Variants in EEF1A2 observed in about 807,000 individuals in gnomAD.
EEF1A2 encodes the protein eukaryotic translation elongation factor 1 alpha 2.
In EEF1A2, 5 loss-of-function variants were observed where a neutral mutation model predicts 39.3. The observed-to-expected ratio is 0.13, with a 90% CI of 0.07 to 0.27. The LOEUF is 0.27. Ranked by LOEUF, EEF1A2 falls within the 10% of genes least tolerant of loss-of-function variation. The pLI is 1.00. For missense variants in EEF1A2, 218 were observed against 681.4 expected, an observed-to-expected ratio of 0.32 and a Z score of 7.57; for synonymous variants, 287 against 293.7, an observed-to-expected ratio of 0.98 and a Z score of 0.23.
At chr20:63,490,383 CCCA>C (rs748110210) in intron 6 of EEF1A2, 93 bp downstream of exon 6, 47 of 1,483,654 alleles carry the variant, frequency 3.2e-5, no homozygotes, top group Non-Finnish European at 3.8e-5. Context: ...TGGTTTTCTC[CCCA>C]CGCCAGGCCA....
chr20:63,497,018 G>A lies in EEF1A2; in HGVS notation c.144+602C>T, dbSNP rs2082421156. ...TCCCCAGAGTCCTGGGTGGGGGATG[G>A]GGATCAGAGAGCAGACCCCGTCTCA... On this transcript the variant is annotated intron_variant, in intron 2 of 7. Transcript: ENST00000217182. The surrounding 1 kb of genome is among the most constrained non-coding windows in gnomAD (Gnocchi z 7.3). 6.6e-6 allele frequency: 1 copy of A among 152,342 alleles called. No homozygotes were observed. The highest frequency in any genetic ancestry group is 1.5e-5 in the Non-Finnish European group (1 of 68,182). The allele number at this position is 152,342 out of a possible 1,614,324, so 9.4% of individuals were successfully genotyped here. A position where few individuals can be genotyped will look rare whatever the true frequency, so the allele number is the denominator to read the frequency against.
rs1346662273 is a variant in EEF1A2 at position 63,488,270 on chromosome 20, G to A, written c.*28C>T. 4 of 1,129,638 alleles carry A rather than the reference G, an allele frequency of 3.5e-6. No individual in the cohort carries two copies. The East Asian group carries it at 1.8e-4, about 50-fold the overall frequency. The allele number at this position is 1,129,638 out of a possible 1,614,324, so 70.0% of individuals were successfully genotyped here. ...GGGGTTCGGAGCGCGGCACCGCCGG[G>A]GAGGGTCGCGCCGCGGGCGCCCGCG... On this transcript the variant is annotated 3_prime_UTR_variant, in exon 8 of 8. Transcript: ENST00000217182.
chr20:63,494,049 C>T (rs310615), intron 4 of EEF1A2, among the ~76,000 whole-genome samples: 145,220 of 152,286 alleles, frequency 0.95, 69,457 homozygotes, highest in Middle Eastern at 0.98. Context: ...GGAGTCCCTC[C>T]CAGTTCTGTC....
rs989533077 is a variant in EEF1A2, at chr20:63,497,489, C to T, written c.144+131G>A. ...CCTCTGAGGCCTGAGTGCCCCACAG[C>T]GGGGGTCCCTCCTGCCCTGGAGGAG... is the stretch of plus-strand genomic sequence containing the variant. On this transcript the variant is annotated intron_variant, in intron 2 of 7. Transcript: ENST00000217182. This position sits in a 1 kb window ranked among gnomAD's most constrained non-coding sequence, Gnocchi z 7.3. 3.7e-5 allele frequency: 53 copies of T among 1,418,208 alleles called. No homozygotes were observed. Among genetic ancestry groups the T allele is most frequent in the South Asian group, 4.3e-5 (3 of 69,950 alleles). 87.9% of individuals were successfully genotyped at this position (1,418,208 alleles called of 1,614,324 possible). A position where few individuals can be genotyped will look rare whatever the true frequency, so the allele number is the denominator to read the frequency against.
Position 63,498,863 on chromosome 20 carries a change from CG to C in EEF1A2, c.-72+194del. 6.6e-6 allele frequency: 1 copy of C among 150,508 alleles called. No homozygotes were observed. The highest frequency in any genetic ancestry group is 1.5e-5 in the Non-Finnish European group (1 of 67,412). 9.3% of individuals were successfully genotyped at this position (150,508 alleles called of 1,614,324 possible). A position where few individuals can be genotyped will look rare whatever the true frequency, so the allele number is the denominator to read the frequency against. The stretch of plus-strand genomic sequence containing the variant: ...TACGGGGCGATCGCCGCCCAGGACC[CG>C]GCCCCGCCGCCCCGCGCCGCCCCCC... On this transcript the variant is annotated intron_variant, in intron 1 of 7. Coordinates refer to ENST00000217182, the MANE Select transcript of EEF1A2 (RefSeq NM_001958.5). The surrounding 1 kb of genome is among the most constrained non-coding windows in gnomAD (Gnocchi z 4.1).
At chr20:63,492,831 T>TGGAG (rs2082396838) in intron 5 of EEF1A2, among the ~76,000 whole-genome samples, 1 of 115,808 alleles carries the variant, frequency 8.6e-6, no homozygotes, top group African/African-American at 3.4e-5. Flanking sequence ...GATGGGACAA[T>TGGAG]GGATGGATGG....
intron 5 of EEF1A2, among the ~76,000 whole-genome samples, chr20:63,491,955 GAGGTGGATGGAT>G (rs1264856802): frequency 1.5e-5 from 1 of 65,004 alleles, no homozygotes; most frequent in Non-Finnish European, 2.8e-5. Flanking sequence ...GACGGATGGG[GAGGTGGATGGAT>G]GGATGGATGG....
chr20:63,493,728 C>T (rs754527861), intron 4 of EEF1A2, among the ~76,000 whole-genome samples: 8 of 152,344 alleles, frequency 5.3e-5, no homozygotes, highest in African/African-American at 1.7e-4. Context: ...GTGCTGCCTC[C>T]GAGCTTGGCC....
rs1309447992 is a variant in EEF1A2, at chr20:63,490,613, G to A, written c.895C>T (p.Leu299=). The A allele has an allele frequency of 3.7e-6, 6 of 1,612,680 alleles. No homozygotes were observed. The highest frequency in any genetic ancestry group is 5.1e-6 in the Non-Finnish European group (6 of 1,179,972). The change falls in exon 6 of 8, where the codon CTG becomes TTG. Residue 299 remains leucine (L), a synonymous_variant. Coordinates refer to ENST00000217182, the MANE Select transcript of EEF1A2 (RefSeq NM_001958.5). The part of the protein sequence containing the change: ...VKSVEMHHEA[L]SEALPGDNVG... ...TTGTCGCCGGGCAGAGCTTCGCTCA[G>A]AGCCTCGTGGTGCATCTCCACTGAC... is the stretch of plus-strand genomic sequence containing the variant.
At chr20:63,493,490 A>C (rs930749177) in intron 4 of EEF1A2, among the ~76,000 whole-genome samples, 1 of 152,076 alleles carries the variant, frequency 6.6e-6, no homozygotes, top group Non-Finnish European at 1.5e-5. Flanking sequence ...TCCCTCTTAA[A>C]AGGAGGAGGA....
intron 7 of EEF1A2, 124 bp downstream of exon 7, chr20:63,488,794 G>T (rs2082365269): frequency 2.7e-6 from 3 of 1,097,400 alleles, no homozygotes; most frequent in South Asian, 3.1e-5. Context: ...CCATGCTCTG[G>T]GCCAAGCTCC....
At chr20:63,491,583 A>C (rs1613590) in intron 5 of EEF1A2, among the ~76,000 whole-genome samples, 1 of 152,096 alleles carries the variant, frequency 6.6e-6, no homozygotes, top group African/African-American at 2.4e-5. Flanking sequence ...GCCCTTCTCT[A>C]GGGTCTCAGA....
At position 63,498,152 on chromosome 20, in the gene EEF1A2, C is replaced by T. The variant is rs1172731182; in HGVS notation, c.-71-318G>A. On this transcript the variant is annotated intron_variant, in intron 1 of 7. Transcript: ENST00000217182. This position sits in a 1 kb window ranked among gnomAD's most constrained non-coding sequence, Gnocchi z 4.1. Reference sequence around the variant, plus strand: ...CCACGCAGCGCCAGGCTGGGTACGTCCGTGACCAGCAGAGCCGGGTGATGA... The same window carrying T: ...CCACGCAGCGCCAGGCTGGGTACGTTCGTGACCAGCAGAGCCGGGTGATGA... The T allele has an allele frequency of 6.1e-6, 1 of 164,886 alleles. No homozygotes were observed. Among genetic ancestry groups the T allele is most frequent in the African/African-American group, 2.4e-5 (1 of 41,790 alleles). The allele number at this position is 164,886 out of a possible 1,614,324, so 10.2% of individuals were successfully genotyped here.
chr20:63,495,233 GAGGGAGGCATGGGGGTCCCCACTTCA>G, intron 3 of EEF1A2, 132 bp from the exon 4 acceptor site: 1 of 1,339,390 alleles, frequency 7.5e-7, no homozygotes, highest in Non-Finnish European at 1.0e-6. Context: ...GGGCCTTGGG[GAGGGAGGCATGGGGGTCCCCACTTCA>G]AGGGCAGCAT....
At chr20:63,494,595 G>A (rs2082407978) in intron 4 of EEF1A2, among the ~76,000 whole-genome samples, 1 of 152,258 alleles carries the variant, frequency 6.6e-6, no homozygotes, top group African/African-American at 2.4e-5. Flanking sequence ...CCGCGTGGGA[G>A]GCTGAGTGTA....
Position 63,494,848 on chromosome 20 carries a change from A to T in EEF1A2, c.578T>A (p.Ile193Asn). 1 of 1,612,420 alleles carries T rather than the reference A, an allele frequency of 6.2e-7. No homozygotes were observed. The part of the protein sequence containing the change: ...YNPATVPFVP[I>N]SGWHGDNMLE... ...CATGTTGTCACCGTGCCAGCCGGAG[A>T]TGGGCACAAAGGGCACGGTGGCCGG... The change falls in exon 4 of 8, where the codon ATC becomes AAC. Residue 193 changes from isoleucine to asparagine, a missense_variant. Ile to Asn is a moderately radical substitution (Grantham distance 149). Around this residue, in one of 4 missense-constraint regions of EEF1A2, gnomAD observed 79 missense variants for 172.3 expected, o/e 0.46. Coordinates refer to ENST00000217182, the MANE Select transcript of EEF1A2 (RefSeq NM_001958.5).
chr20:63,496,222 C>G (rs937192438), intron 2 of EEF1A2, 187 bp from the exon 3 acceptor site: 8 of 689,578 alleles, frequency 1.2e-5, no homozygotes, highest in Middle Eastern at 4.0e-4. Flanking sequence ...GACCCTGCCC[C>G]CCAGGGCCGG....
Position 63,494,913 on chromosome 20 carries a change from G to T in EEF1A2, c.513C>A (p.Val171=), listed in dbSNP as rs201149992. 29 of 1,612,694 alleles carry T rather than the reference G, an allele frequency of 1.8e-5. No homozygotes were observed. Among genetic ancestry groups the T allele is most frequent in the Admixed American group, 6.7e-5 (4 of 60,008 alleles). Reference sequence around the variant, plus strand: ...TCTTGATGTAGGCGCTGACTTCCTTGACGATCTCGTCGTAGCGCTTCTCGC... The same window carrying T: ...TCTTGATGTAGGCGCTGACTTCCTTTACGATCTCGTCGTAGCGCTTCTCGC... ...AYSEKRYDEI[V]KEVSAYIKKI... is the part of the protein sequence containing the mutation. Residue 171 remains valine (V), a synonymous_variant, in exon 4 of 8, where the codon GTC becomes GTA. Coordinates refer to ENST00000217182, the MANE Select transcript of EEF1A2 (RefSeq NM_001958.5).
intron 5 of EEF1A2, among the ~76,000 whole-genome samples, chr20:63,491,288 A>T (rs945464197): frequency 2.6e-5 from 4 of 152,222 alleles, no homozygotes; most frequent in Admixed American, 2.0e-4. Flanking sequence ...TCTCAGCCAG[A>T]TGCAGCACAG....
Sources: gnomAD v4.1 joint callset for allele counts (sites outside exome capture counted in the v4.1 genomes callset) on GRCh38, gnomAD v4.1.1 for gene constraint, gnomAD v4.1.1 regional missense constraint, Gnocchi (gnomAD v3.1) non-coding constraint, MANE v1.5 for transcripts, NCBI Gene and HGNC (gene_info 2026-07-23, HGNC 2026-07-21) for gene names.